The following HAT1 variants were observed in gnomAD, a reference collection of about 807,000 sequenced individuals.
HAT1 encodes histone acetyltransferase type B catalytic subunit.
A neutral mutation model predicts 56.6 loss-of-function variants in HAT1; 20 were observed. The observed-to-expected ratio is 0.35, with a 90% CI of 0.25 to 0.51. The LOEUF (loss-of-function observed/expected upper bound fraction) is 0.51, where lower values mean the gene tolerates loss of function less well. Ranked by LOEUF, HAT1 falls within the 20% of genes least tolerant of loss-of-function variation. HAT1 has a pLI of 0.95. For synonymous variants in HAT1, 146 were observed against 165.5 expected, an observed-to-expected ratio of 0.88 and a Z score of 0.91; for missense variants, 408 against 504.3, an observed-to-expected ratio of 0.81 and a Z score of 1.83.
intron 2 of HAT1, among the ~76,000 whole-genome samples, chr2:171,936,087 G>C (rs11692418): frequency 0.23 from 34,349 of 152,046 alleles, 4,891 homozygotes; most frequent in African/African-American, 0.38. Context: ...TCAAGGAACT[G>C]CAAGGCTGGA....
chr2:171,941,986 C>G (rs921287902), intron 2 of HAT1, among the ~76,000 whole-genome samples: 9 of 152,230 alleles, frequency 5.9e-5, no homozygotes, highest in Admixed American at 2.0e-4. Context: ...CTTACTGCAA[C>G]CTCTGCCTCC....
intron 2 of HAT1, among the ~76,000 whole-genome samples, chr2:171,929,076 C>G (rs756237635): frequency 1.8e-4 from 28 of 152,286 alleles, no homozygotes; most frequent in Middle Eastern, 3.4e-3. Context: ...TTTCGTTATT[C>G]CATATCCTCA....
At chr2:171,936,730 A>G (rs1333696473) in intron 2 of HAT1, among the ~76,000 whole-genome samples, 1 of 152,150 alleles carries the variant, frequency 6.6e-6, no homozygotes, top group Non-Finnish European at 1.5e-5. Context: ...TGTGTTTTAA[A>G]ATTATATAAT....
chr2:171,928,986 T>C (rs1686668676), intron 2 of HAT1, among the ~76,000 whole-genome samples: 1 of 152,176 alleles, frequency 6.6e-6, no homozygotes, highest in Non-Finnish European at 1.5e-5. Flanking sequence ...ATAGGGTATT[T>C]GTATGTTTAA....
chr2:171,983,305 C>G lies in HAT1; in HGVS notation c.1213C>G (p.Leu405Val). The G allele has an allele frequency of 6.2e-7, 1 of 1,608,304 alleles. No individual in the cohort carries two copies. The highest frequency in any genetic ancestry group is 8.5e-7 in the Non-Finnish European group (1 of 1,175,898). ...ACAGCTGGAAGAGAGTTTTCAGGAA[C>G]TAGTGGAAGATTACCGGCGTGTTAT... is the stretch of plus-strand genomic sequence containing the variant. The part of the protein sequence containing the change: ...HEQLEESFQE[L>V]VEDYRRVIER... Residue 405 changes from leucine (L) to valine (V), a missense_variant, in exon 11 of 11, where the codon CTA becomes GTA. Leu to Val is a conservative substitution (Grantham distance 32). Coordinates refer to ENST00000264108, the MANE Select transcript of HAT1 (RefSeq NM_003642.4).
At chr2:171,946,885 T>TA (rs1687180436) in intron 3 of HAT1, 102 bp downstream of exon 3, 2 of 619,138 alleles carry the variant, frequency 3.2e-6, no homozygotes, top group Admixed American at 6.5e-5. Context: ...CTTCTTATTT[T>TA]TAATGTGGTT....
intron 1 of HAT1, chr2:171,924,470 G>A (rs1686529506): frequency 6.6e-6 from 1 of 152,142 alleles, no homozygotes. Context: ...TGAAATTACA[G>A]GCGTGAGCCA....
chr2:171,977,958 C>T (rs1574070151), intron 9 of HAT1, among the ~76,000 whole-genome samples: 1 of 151,962 alleles, frequency 6.6e-6, no homozygotes. Context: ...GAAACAACAT[C>T]AACAGAAAAA....
chr2:171,973,114 C>T (rs528998514), intron 8 of HAT1, among the ~76,000 whole-genome samples: 1 of 152,204 alleles, frequency 6.6e-6, no homozygotes, highest in African/African-American at 2.4e-5. Flanking sequence ...TCACTTGCAG[C>T]CTCCATTCTC....
intron 2 of HAT1, among the ~76,000 whole-genome samples, chr2:171,933,562 A>G (rs1404545650): frequency 1.3e-5 from 2 of 152,052 alleles, no homozygotes; most frequent in South Asian, 2.1e-4. Flanking sequence ...ACCTCTAAAT[A>G]TTGATATAGT....
intron 4 of HAT1, among the ~76,000 whole-genome samples, chr2:171,954,823 T>C (rs1387775751): frequency 6.6e-6 from 1 of 152,250 alleles, no homozygotes; most frequent in Non-Finnish European, 1.5e-5. Flanking sequence ...TGTAATTAAA[T>C]ATCTTGATAT....
intron 4 of HAT1, among the ~76,000 whole-genome samples, chr2:171,962,123 A>T (rs750209918): frequency 2.0e-5 from 3 of 152,080 alleles, no homozygotes; most frequent in Non-Finnish European, 4.4e-5. Context: ...AAAAAAATAG[A>T]TTACTAATTA....
intron 2 of HAT1, among the ~76,000 whole-genome samples, chr2:171,928,933 A>T (rs1686668092): frequency 6.6e-6 from 1 of 152,098 alleles, no homozygotes; most frequent in South Asian, 2.1e-4. Context: ...TGGACATATG[A>T]TTTTATTTTG....
Position 171,979,305 on chromosome 2 carries a change from C to A in HAT1, c.1034C>A (p.Ala345Asp), listed in dbSNP as rs1394667649. 1 of 1,607,092 alleles carries A rather than the reference C, an allele frequency of 6.2e-7. No individual in the cohort carries two copies. The highest frequency in any genetic ancestry group is 8.5e-7 in the Non-Finnish European group (1 of 1,174,542). The change falls in exon 10 of 11, where the codon GCC becomes GAC. Residue 345 changes from alanine to aspartate, a missense_variant. Physicochemically the swap from Ala to Asp is moderately radical, Grantham distance 126. Transcript: ENST00000264108. ...CTACTGGTAACTGACATGAGTGATG[C>A]CGAACAATACAGAAGCTACAGACTG... Reference protein sequence around the residue: ...LRLLVTDMSDAEQYRSYRLDI... With the variant: ...LRLLVTDMSDDEQYRSYRLDI...
intron 3 of HAT1, among the ~76,000 whole-genome samples, chr2:171,950,967 G>A (rs1346352056): frequency 6.6e-6 from 1 of 151,608 alleles, no homozygotes; most frequent in Non-Finnish European, 1.5e-5. Context: ...CTGCCACCAT[G>A]CCCAGCTAAT....
At chr2:171,944,561 G>C (rs1687109886) in intron 2 of HAT1, among the ~76,000 whole-genome samples, 1 of 152,126 alleles carries the variant, frequency 6.6e-6, no homozygotes, top group Non-Finnish European at 1.5e-5. Context: ...AGTACAGTGG[G>C]ACACCAGACA....
chr2:171,965,922 T>A lies in HAT1; in HGVS notation c.611+14T>A. 6.2e-7 allele frequency: 1 copy of A among 1,608,236 alleles called. No homozygotes were observed. The highest frequency in any genetic ancestry group is 2.2e-5 in the East Asian group (1 of 44,832). The stretch of plus-strand genomic sequence containing the variant: ...CTACTTTCTAGTGTAAGTACAGTTC[T>A]AAAGCAACAGTAGACCTTATTACCT... On this transcript the variant is annotated intron_variant, in intron 6 of 10. Transcript: ENST00000264108.
In HAT1 at chr2:171,931,573, C is replaced by A. The variant is rs576117527; in HGVS notation, c.112+5932C>A. On this transcript the variant is annotated intron_variant, in intron 2 of 10. Transcript: ENST00000264108. ...CCTGTAATCCCAGCTACTTGGGAGG[C>A]TGAGGCAGGAGAATTGCTTGAGCCC... Among the ~76,000 whole-genome samples, 32 of 150,372 alleles carry A rather than the reference C, an allele frequency of 2.1e-4. 1 individual carries two copies. The highest frequency in any genetic ancestry group is 3.8e-4 in the Non-Finnish European group (26 of 67,542).
chr2:171,937,084 A>G (rs1216868822), intron 2 of HAT1, among the ~76,000 whole-genome samples: 3 of 152,112 alleles, frequency 2.0e-5, no homozygotes, highest in Non-Finnish European at 2.9e-5. Context: ...CCTCCTGAGT[A>G]GCTGGGACTA....
Sources: gnomAD v4.1 joint callset for allele counts (sites outside exome capture counted in the v4.1 genomes callset) on GRCh38, gnomAD v4.1.1 for gene constraint, MANE v1.5 for transcripts, NCBI Gene and HGNC (gene_info 2026-07-23, HGNC 2026-07-21) for gene names.